Variants in VPS13B observed in about 807,000 individuals in gnomAD.
VPS13B encodes vacuolar protein sorting 13 homolog B, also known as intermembrane lipid transfer protein VPS13B.
In VPS13B, 285 loss-of-function variants were observed where a neutral mutation model predicts 426.4. The ratio of observed to expected loss-of-function variants is 0.67; its 90% CI spans 0.61 to 0.74. The LOEUF (loss-of-function observed/expected upper bound fraction) is 0.74. Ranked by LOEUF, VPS13B falls within the 30% of genes least tolerant of loss-of-function variation. The pLI is 0.00. For synonymous variants in VPS13B, 1,676 were observed against 1,676.4 expected, an observed-to-expected ratio of 1.00 and a Z score of 0.01; for missense variants, 4,537 against 4,782.6, an observed-to-expected ratio of 0.95 and a Z score of 1.51.
intron 24 of VPS13B, among the ~76,000 whole-genome samples, chr8:99,480,920 T>C (rs917918115): frequency 6.6e-6 from 1 of 152,214 alleles, no homozygotes; most frequent in African/African-American, 2.4e-5. Flanking sequence ...TTATACAGTA[T>C]ATGGCACTAC....
chr8:99,064,914 C>A (rs1430045613), intron 3 of VPS13B, among the ~76,000 whole-genome samples: 1 of 152,192 alleles, frequency 6.6e-6, no homozygotes, highest in Non-Finnish European at 1.5e-5. Context: ...GATCTCTCAG[C>A]AGAAACTCTA....
At chr8:99,115,588 T>C (rs1269762804) in intron 6 of VPS13B, 112 bp from the exon 7 acceptor site, 1 of 1,045,252 alleles carries the variant, frequency 9.6e-7, no homozygotes, top group Non-Finnish European at 1.4e-6. Context: ...TTAAAATGTT[T>C]GGAGCATTTC....
intron 17 of VPS13B, among the ~76,000 whole-genome samples, chr8:99,207,358 T>G (rs539453133): frequency 4.6e-5 from 7 of 152,166 alleles, no homozygotes; most frequent in Non-Finnish European, 1.0e-4. Flanking sequence ...AAGACACACT[T>G]AGAATGTTAA....
intron 19 of VPS13B, among the ~76,000 whole-genome samples, chr8:99,315,534 G>GT (rs1047949205): frequency 4.7e-4 from 64 of 136,656 alleles, no homozygotes; most frequent in East Asian, 4.6e-3. Context: ...AAATCTTGGT[G>GT]TTTTTTTTTT....
intron 24 of VPS13B, among the ~76,000 whole-genome samples, chr8:99,469,025 A>G: frequency 6.6e-6 from 1 of 152,214 alleles, no homozygotes; most frequent in Non-Finnish European, 1.5e-5. Flanking sequence ...ATTAGACCTA[A>G]TAATATATTG....
chr8:99,588,042 T>C (rs200309883), intron 33 of VPS13B, among the ~76,000 whole-genome samples: 14 of 151,822 alleles, frequency 9.2e-5, no homozygotes, highest in East Asian at 7.7e-4. Context: ...CTACATATGG[T>C]TAGCCAGTTT....
At chr8:99,459,045 G>A (rs543050863) in intron 23 of VPS13B, among the ~76,000 whole-genome samples, 1 of 152,204 alleles carries the variant, frequency 6.6e-6, no homozygotes, top group East Asian at 1.9e-4. Flanking sequence ...GGGTTTTTAT[G>A]GTTTTAGGTC....
rs914326911 is a variant in VPS13B, at chr8:99,650,122, C to A, written c.5908+7624C>A. 3.9e-5 allele frequency among the ~76,000 whole-genome samples: 6 copies of A among 152,160 alleles called. 1 individual carries two copies. The highest frequency in any genetic ancestry group is 1.4e-4 in the African/African-American group (6 of 41,438). ...ATAATAATGTTTTCTAGTCCATTAG[C>A]CAGGACTTGGTTTTCTGGGAAACTT... On this transcript the variant is annotated intron_variant, in intron 34 of 61. Coordinates refer to ENST00000357162, the MANE Select transcript of VPS13B (RefSeq NM_152564.5).
chr8:99,690,620 T>A (rs1024701563), intron 35 of VPS13B, among the ~76,000 whole-genome samples: 1 of 151,998 alleles, frequency 6.6e-6, no homozygotes, highest in Non-Finnish European at 1.5e-5. Context: ...TATAATAATC[T>A]TATATTTTAT....
At chr8:99,140,059 A>G (rs1230821532) in intron 12 of VPS13B, among the ~76,000 whole-genome samples, 5 of 152,226 alleles carry the variant, frequency 3.3e-5, no homozygotes, top group Admixed American at 2.6e-4. Flanking sequence ...AGTTCATGGC[A>G]GTATTCTAAT....
At chr8:99,614,520 C>G (rs1189698178) in intron 33 of VPS13B, among the ~76,000 whole-genome samples, 1 of 152,100 alleles carries the variant, frequency 6.6e-6, no homozygotes. Context: ...TCAAGTGATC[C>G]GCCCACCTCG....
intron 3 of VPS13B, among the ~76,000 whole-genome samples, chr8:99,042,202 A>G (rs761652820): frequency 1.3e-5 from 2 of 152,120 alleles, no homozygotes; most frequent in Non-Finnish European, 2.9e-5. Flanking sequence ...ATCTTCTAAT[A>G]GGAGAAATAC....
At chr8:99,697,906 C>T in intron 35 of VPS13B, 1 of 465,940 alleles carries the variant, frequency 2.1e-6, no homozygotes, top group Non-Finnish European at 4.2e-6. Flanking sequence ...AGTTGGTGGA[C>T]AAAGATGTTC....
At chr8:99,154,806 C>T (rs1588094092) in intron 14 of VPS13B, among the ~76,000 whole-genome samples, 1 of 152,148 alleles carries the variant, frequency 6.6e-6, no homozygotes, top group East Asian at 1.9e-4. Context: ...ATTCTGTCTG[C>T]TTGCCAAAGA....
At chr8:99,417,042 G>A (rs1349156427) in intron 21 of VPS13B, among the ~76,000 whole-genome samples, 1 of 152,040 alleles carries the variant, frequency 6.6e-6, no homozygotes, top group African/African-American at 2.4e-5. Flanking sequence ...GTGGTAAATG[G>A]ACATTTAATA....
intron 14 of VPS13B, among the ~76,000 whole-genome samples, chr8:99,153,128 C>T (rs1588092503): frequency 6.6e-6 from 1 of 152,154 alleles, no homozygotes; most frequent in Non-Finnish European, 1.5e-5. Flanking sequence ...AATGATCACA[C>T]CACTTGCACT....
At chr8:99,340,623 C>T (rs1380571840) in intron 19 of VPS13B, 3 of 425,832 alleles carry the variant, frequency 7.0e-6, no homozygotes, top group African/African-American at 6.2e-5. Flanking sequence ...CTTTTCCCTT[C>T]AAAGCCAGTA....
At chr8:99,352,163 C>T (rs1006265331) in intron 19 of VPS13B, among the ~76,000 whole-genome samples, 1 of 152,098 alleles carries the variant, frequency 6.6e-6, no homozygotes, top group Admixed American at 6.5e-5. Context: ...TGGAAGCTAC[C>T]GAAATGGGTC....
At chr8:99,665,801 G>A (rs1052460489) in intron 35 of VPS13B, among the ~76,000 whole-genome samples, 2 of 152,116 alleles carry the variant, frequency 1.3e-5, no homozygotes, top group Non-Finnish European at 2.9e-5. Flanking sequence ...TGGCGATGCG[G>A]GCTCTTTTTT....
Sources: gnomAD v4.1 joint callset for allele counts (sites outside exome capture counted in the v4.1 genomes callset) on GRCh38, gnomAD v4.1.1 for gene constraint, MANE v1.5 for transcripts, NCBI Gene and HGNC (gene_info 2026-07-23, HGNC 2026-07-21) for gene names.